HIVEP2: variants seen among roughly 807,000 people sequenced by gnomAD.
HIVEP2 encodes the protein HIVEP zinc finger 2, also known as transcription factor HIVEP2.
A neutral mutation model predicts 180.7 loss-of-function variants in HIVEP2; 14 were observed. The ratio of observed to expected loss-of-function variants is 0.08; its 90% CI spans 0.05 to 0.12. HIVEP2 has a LOEUF of 0.12. HIVEP2 is among the 10% of genes least tolerant of loss of function. The probability of loss-of-function intolerance (pLI) is 1.00; values close to 1 mark genes in which losing one functional copy is unlikely to be tolerated. For missense variants in HIVEP2, 2,579 were observed against 3,008.5 expected, an observed-to-expected ratio of 0.86 and a Z score of 3.34; for synonymous variants, 1,184 against 1,136.4, an observed-to-expected ratio of 1.04 and a Z score of -0.84.
chr6:142,912,035 T>C (rs1445568880), intron 1 of HIVEP2, among the ~76,000 whole-genome samples: 2 of 152,248 alleles, frequency 1.3e-5, no homozygotes, highest in Non-Finnish European at 2.9e-5. Context: ...GAAATCTCCA[T>C]ACTGGGTTAG....
intron 1 of HIVEP2, among the ~76,000 whole-genome samples, chr6:142,924,974 G>A (rs763903171): frequency 2.6e-5 from 4 of 152,120 alleles, no homozygotes; most frequent in Non-Finnish European, 5.9e-5. Flanking sequence ...TACTTTCATA[G>A]TACCTTTGCG....
chr6:142,877,791 T>G lies in HIVEP2; in HGVS notation c.-640-40744A>C, dbSNP rs78466755. ...GCTATTGTCCCCAAAAGAAATACAC[T>G]GGTACAAGGGAGTGAGGTACCATGA... On this transcript the variant is annotated intron_variant, in intron 1 of 9. Coordinates refer to ENST00000367603, the MANE Select transcript of HIVEP2 (RefSeq NM_006734.4). 1.2e-3 allele frequency among the ~76,000 whole-genome samples: 178 copies of G among 152,302 alleles called. 1 individual carries two copies. In the East Asian group the frequency reaches 0.016, roughly 14 times the overall value.
intron 2 of HIVEP2, among the ~76,000 whole-genome samples, chr6:142,828,720 G>T (rs1774985981): frequency 6.6e-6 from 1 of 152,126 alleles, no homozygotes; most frequent in South Asian, 2.1e-4. Context: ...GTGAGCCACT[G>T]CACCTGGCCT....
At chr6:142,930,673 T>C (rs1777923088) in intron 1 of HIVEP2, among the ~76,000 whole-genome samples, 1 of 152,180 alleles carries the variant, frequency 6.6e-6, no homozygotes, top group African/African-American at 2.4e-5. Context: ...AGTACTCAAG[T>C]GTTTGAGAGC....
chr6:142,900,009 T>C (rs371624616), intron 1 of HIVEP2, among the ~76,000 whole-genome samples: 53 of 152,312 alleles, frequency 3.5e-4, no homozygotes, highest in East Asian at 3.1e-3. Flanking sequence ...TAAACCTTAA[T>C]AAACCTTAAT....
chr6:142,932,976 C>A (rs571528928), intron 1 of HIVEP2, among the ~76,000 whole-genome samples: 1 of 152,176 alleles, frequency 6.6e-6, no homozygotes, highest in Non-Finnish European at 1.5e-5. Context: ...TTAAACTAGA[C>A]ACTTTAAGAG....
At chr6:142,919,145 TA>T (rs977123120) in intron 1 of HIVEP2, among the ~76,000 whole-genome samples, 1 of 152,186 alleles carries the variant, frequency 6.6e-6, no homozygotes, top group African/African-American at 2.4e-5. Flanking sequence ...GTTCTTATTT[TA>T]CAGTTACAAA....
chr6:142,850,727 A>G (rs1490868768), intron 1 of HIVEP2, among the ~76,000 whole-genome samples: 3 of 152,356 alleles, frequency 2.0e-5, no homozygotes, highest in Admixed American at 1.3e-4. Context: ...CCTGACAATT[A>G]TAAGTTATCA....
intron 2 of HIVEP2, among the ~76,000 whole-genome samples, chr6:142,823,391 T>G (rs1777093980): frequency 6.6e-6 from 1 of 152,138 alleles, no homozygotes; most frequent in Non-Finnish European, 1.5e-5. Flanking sequence ...TTGCCCAATC[T>G]CTTTGCACCA....
chr6:142,896,567 G>A (rs1777000614), intron 1 of HIVEP2, among the ~76,000 whole-genome samples: 1 of 152,102 alleles, frequency 6.6e-6, no homozygotes, highest in Non-Finnish European at 1.5e-5. Flanking sequence ...TTCCTTCAGA[G>A]ACAATTCCAA....
chr6:142,833,954 T>C (rs948389942), intron 2 of HIVEP2, among the ~76,000 whole-genome samples: 1 of 152,156 alleles, frequency 6.6e-6, no homozygotes, highest in Non-Finnish European at 1.5e-5. Context: ...TGAAGAGCTA[T>C]AAAAATATAA....
At position 142,759,815 on chromosome 6, in the gene HIVEP2, A is replaced by T. The variant is rs758271026; in HGVS notation, c.6473T>A (p.Met2158Lys). The part of the protein sequence containing the change: ...RALYHNPPLS[M>K]GQYLQAEPIV... ...TGGCTCTGCTTGCAAATACTGTCCCATGGACAATGGTGGGTTATGGTATAA... is the reference window on the plus strand; with the variant it reads ...TGGCTCTGCTTGCAAATACTGTCCCTTGGACAATGGTGGGTTATGGTATAA... The change falls in exon 9 of 10, where the codon ATG (methionine) becomes AAG (lysine). Residue 2158 changes from methionine (M) to lysine (K), a missense_variant. By Grantham distance (95) the Met-to-Lys change is moderately conservative (BLOSUM62 -1). Coordinates refer to ENST00000367603, the MANE Select transcript of HIVEP2 (RefSeq NM_006734.4). 2 of 1,612,512 alleles carry T rather than the reference A, an allele frequency of 1.2e-6. No individual in the cohort carries two copies. Among genetic ancestry groups the T allele is most frequent in the East Asian group, 4.5e-5 (2 of 44,870 alleles).
chr6:142,937,592 T>C (rs1778086402), intron 1 of HIVEP2, among the ~76,000 whole-genome samples: 1 of 152,202 alleles, frequency 6.6e-6, no homozygotes, highest in African/African-American at 2.4e-5. Context: ...TGTTTATCCA[T>C]ATACTACTAA....
At chr6:142,847,052 A>G (rs1318773347) in intron 1 of HIVEP2, among the ~76,000 whole-genome samples, 3 of 152,172 alleles carry the variant, frequency 2.0e-5, no homozygotes. Context: ...GGAAATGAAT[A>G]TGAGTTGAGA....
chr6:142,882,475 G>A (rs868769677), intron 1 of HIVEP2, among the ~76,000 whole-genome samples: 1 of 151,988 alleles, frequency 6.6e-6, no homozygotes, highest in Non-Finnish European at 1.5e-5. Context: ...ATAGCCGGGA[G>A]TGGTAGTGAG....
At chr6:142,843,823 C>T (rs1316285567) in intron 1 of HIVEP2, among the ~76,000 whole-genome samples, 1 of 152,078 alleles carries the variant, frequency 6.6e-6, no homozygotes, top group Non-Finnish European at 1.5e-5. Context: ...TAGGTTTGAG[C>T]CTGGGAGCAC....
At chr6:142,817,939 G>A (rs1394972569) in intron 2 of HIVEP2, among the ~76,000 whole-genome samples, 4 of 151,476 alleles carry the variant, frequency 2.6e-5, no homozygotes, top group African/African-American at 9.7e-5. Context: ...CTGGGAGGCG[G>A]AGGTTGCAGT....
intron 1 of HIVEP2, among the ~76,000 whole-genome samples, chr6:142,944,246 T>C (rs1270408671): frequency 6.6e-6 from 1 of 152,006 alleles, no homozygotes; most frequent in Non-Finnish European, 1.5e-5. Flanking sequence ...CATTTTCTCA[T>C]GTCCTCTGCT....
intron 1 of HIVEP2, among the ~76,000 whole-genome samples, chr6:142,936,638 T>G (rs1228156426): frequency 6.6e-6 from 1 of 152,198 alleles, no homozygotes. Flanking sequence ...TACACATATA[T>G]ATAAAATAAA....
Sources: gnomAD v4.1 joint callset for allele counts (sites outside exome capture counted in the v4.1 genomes callset) on GRCh38, gnomAD v4.1.1 for gene constraint, MANE v1.5 for transcripts, NCBI Gene and HGNC (gene_info 2026-07-23, HGNC 2026-07-21) for gene names.